CCNH: variants seen among roughly 807,000 people sequenced by gnomAD.
The protein encoded by CCNH is cyclin H, also known as cyclin-H.
CCNH carries 31 observed loss-of-function variants against 41.9 expected under a neutral mutation model. The observed-to-expected ratio is 0.74, with a 90% CI of 0.56 to 1.00. CCNH has a LOEUF of 1.00. Ranked by LOEUF, CCNH falls within the 50% of genes least tolerant of loss-of-function variation. The pLI is 0.00. For missense variants in CCNH, 362 were observed against 388.4 expected (o/e 0.93, Z 0.57); for synonymous variants, 138 against 136.1 (o/e 1.01, Z -0.10).
chr5:87,390,437 G>A (rs1363469077), downstream of CCNH, among the ~76,000 whole-genome samples: 2 of 142,496 alleles, frequency 1.4e-5, no homozygotes, highest in African/African-American at 2.6e-5. Context: ...CCCTCCCCCC[G>A]CAGCTTTCAA....
At chr5:87,324,746 C>T (rs1365911371) in intron 9 of CCNH, among the ~76,000 whole-genome samples, 1 of 152,052 alleles carries the variant, frequency 6.6e-6, no homozygotes, top group African/African-American at 2.4e-5. Context: ...TCTCCCCTTC[C>T]TCAAGTTTAA....
chr5:87,360,390 C>G (rs548461303), intron 9 of CCNH, among the ~76,000 whole-genome samples: 39 of 152,276 alleles, frequency 2.6e-4, no homozygotes, highest in Admixed American at 5.2e-4. Flanking sequence ...TCCTAAAGTA[C>G]TGGGATTAAA....
chr5:87,323,531 C>G (rs1756984489), intron 9 of CCNH, among the ~76,000 whole-genome samples: 1 of 152,108 alleles, frequency 6.6e-6, no homozygotes, highest in African/African-American at 2.4e-5. Flanking sequence ...AGGCATATTT[C>G]AGTTTGAGGA....
rs1319185617 is a variant in CCNH at position 87,409,280 on chromosome 5, A to T, written c.314+10T>A. 2.8e-6 allele frequency: 4 copies of T among 1,425,422 alleles called. No individual in the cohort carries two copies. Among genetic ancestry groups the T allele is most frequent in the Non-Finnish European group, 3.9e-6 (4 of 1,015,258 alleles). The allele number at this position is 1,425,422 out of a possible 1,614,324, so 88.3% of individuals were successfully genotyped here. A position where few individuals can be genotyped will look rare whatever the true frequency, so the allele number is the denominator to read the frequency against. On this transcript the variant is annotated intron_variant, in intron 3 of 8. Transcript: ENST00000256897. ...TAAATGAAAACAATATATTAGACAG[A>T]CATACTCACATTATTATCCTGGGGT...
chr5:87,386,785 T>C (rs761401583), downstream of CCNH: 4 of 1,546,844 alleles, frequency 2.6e-6, no homozygotes, highest in Non-Finnish European at 3.6e-6. Context: ...CAAACAGTGG[T>C]TTGTTTCTGG....
chr5:87,351,245 CTACTT>C (rs1759251073), intron 9 of CCNH, among the ~76,000 whole-genome samples: 1 of 150,628 alleles, frequency 6.6e-6, no homozygotes, highest in African/African-American at 2.4e-5. Context: ...ATCGACTTAT[CTACTT>C]TGTGAAATAT....
upstream of CCNH, chr5:87,379,791 A>G (rs1273834963): frequency 3.1e-6 from 5 of 1,612,856 alleles, no homozygotes; most frequent in African/African-American, 5.3e-5. Context: ...TAACACACCT[A>G]TTGAACATAC....
At chr5:87,350,522 T>A (rs1304100013) in intron 9 of CCNH, among the ~76,000 whole-genome samples, 1 of 151,746 alleles carries the variant, frequency 6.6e-6, no homozygotes, top group African/African-American at 2.4e-5. Context: ...TTGAAGTTCG[T>A]TTTGTTACTA....
chr5:87,390,188 T>G (rs548329927), downstream of CCNH, among the ~76,000 whole-genome samples: 13 of 152,180 alleles, frequency 8.5e-5, no homozygotes, highest in Non-Finnish European at 1.8e-4. Context: ...ATTGGAGATA[T>G]AGAACAAAAT....
intron 9 of CCNH, among the ~76,000 whole-genome samples, chr5:87,351,998 T>C (rs543189362): frequency 6.6e-6 from 1 of 151,978 alleles, no homozygotes; most frequent in African/African-American, 2.4e-5. Context: ...GTCATCTCTT[T>C]AGTGGAATCT....
At chr5:87,363,304 C>T in intron 9 of CCNH, 1 of 1,489,528 alleles carries the variant, frequency 6.7e-7, no homozygotes, top group Non-Finnish European at 9.3e-7. Context: ...TGTAGGATTT[C>T]ACAATTGTTT....
intron 9 of CCNH, chr5:87,330,951 T>C: frequency 1.4e-6 from 2 of 1,434,062 alleles, no homozygotes; most frequent in Admixed American, 3.0e-5. Context: ...CCATGTGCCT[T>C]GTGAAGTCAT....
chr5:87,392,141 C>G (rs896486384), downstream of CCNH: 1 of 407,956 alleles, frequency 2.5e-6, no homozygotes, highest in Non-Finnish European at 4.8e-6. Flanking sequence ...ATGGAACATA[C>G]GTGGCAGAAT....
chr5:87,389,437 C>T (rs762817723), downstream of CCNH: 2 of 1,614,130 alleles, frequency 1.2e-6, no homozygotes, highest in East Asian at 4.5e-5. Context: ...CTAGAACGGA[C>T]CTGTCCCGTG....
rs201803930 is a variant in CCNH, at chr5:87,332,805, GA to G, written c.*91-13909del. Among the ~76,000 whole-genome samples the G allele has an allele frequency of 2.6e-4, 39 of 148,614 alleles. 1 individual carries two copies. The highest frequency in any genetic ancestry group is 7.4e-4 in the African/African-American group (30 of 40,606). ...TCAGAACAAAATGGACAACTTCTTT[GA>G]AAAAAAAAGAAAATATTTTTCAATA... is the stretch of plus-strand genomic sequence containing the variant. On this transcript the variant is annotated intron_variant and NMD_transcript_variant, in intron 9 of 9. Transcript: ENST00000645953.
chr5:87,412,760 G>C lies in CCNH; in HGVS notation c.35C>G (p.Thr12Ser). Residue 12 changes from threonine to serine, a missense_variant, in exon 1 of 9, where the codon ACC becomes AGC. Transcript: ENST00000256897. ...TGCCAGCTGCTCCTCGCTGGAGAAG[G>C]TCCAGTGCCGCTTCTGACTACTGTT... ...YHNSSQKRHW[T>S]FSSEEQLARL... 6.2e-7 allele frequency: 1 copy of C among 1,614,206 alleles called. No homozygotes were observed. Among genetic ancestry groups the C allele is most frequent in the Non-Finnish European group, 8.5e-7 (1 of 1,180,044 alleles).
At chr5:87,351,257 ATATAC>A (rs2112426682) in intron 9 of CCNH, among the ~76,000 whole-genome samples, 1 of 151,848 alleles carries the variant, frequency 6.6e-6, no homozygotes, top group Non-Finnish European at 1.5e-5. Context: ...ACTTTGTGAA[ATATAC>A]TGTACAAATT....
intron 9 of CCNH, among the ~76,000 whole-genome samples, chr5:87,360,008 A>C (rs746597411): frequency 2.0e-5 from 3 of 151,978 alleles, no homozygotes; most frequent in Non-Finnish European, 4.4e-5. Flanking sequence ...AATAAGTTCT[A>C]TTTGTAATTA....
At chr5:87,330,046 C>T (rs1056910635) in intron 9 of CCNH, among the ~76,000 whole-genome samples, 1 of 152,052 alleles carries the variant, frequency 6.6e-6, no homozygotes, top group Non-Finnish European at 1.5e-5. Flanking sequence ...TCCCTTCTTC[C>T]TCTAGTACTA....
Sources: allele counts gnomAD v4.1 joint callset (sites outside exome capture counted in the v4.1 genomes callset), GRCh38; gene constraint gnomAD v4.1.1; transcripts MANE v1.5; gene names NCBI Gene and HGNC (gene_info 2026-07-23, HGNC 2026-07-21).